Variants in SLC14A2 observed in about 807,000 individuals in gnomAD.
SLC14A2 encodes urea transporter 2.
Under a neutral mutation model 104.6 loss-of-function variants are expected in SLC14A2, and 91 were observed. That is an observed-to-expected ratio of 0.87 (90% CI 0.73 to 1.04). The LOEUF (loss-of-function observed/expected upper bound fraction) is 1.04, where lower values mean the gene tolerates loss of function less well. Ranked by LOEUF, SLC14A2 falls within the 50% of genes least tolerant of loss-of-function variation. SLC14A2 has a pLI of 0.00. For missense variants in SLC14A2, 1,189 were observed against 1,156.0 expected (o/e 1.03, Z -0.41); for synonymous variants, 476 against 466.4 (o/e 1.02, Z -0.27).
intron 2 of SLC14A2, among the ~76,000 whole-genome samples, chr18:45,579,466 G>C (rs2044459205): frequency 1.3e-5 from 2 of 152,190 alleles, no homozygotes; most frequent in Non-Finnish European, 2.9e-5. Flanking sequence ...TGGGGAACTT[G>C]CTTTTCCCTG....
intron 2 of SLC14A2, among the ~76,000 whole-genome samples, chr18:45,533,194 A>G (rs2043725641): frequency 1.3e-5 from 2 of 152,230 alleles, no homozygotes; most frequent in South Asian, 4.1e-4. Context: ...CTTTGGTATC[A>G]GGATGAAGCT....
intron 1 of SLC14A2, among the ~76,000 whole-genome samples, chr18:45,333,672 T>C (rs1201752749): frequency 6.6e-6 from 1 of 152,184 alleles, no homozygotes; most frequent in Non-Finnish European, 1.5e-5. Flanking sequence ...AAACTCCTGC[T>C]CTGTCTAAAG....
chr18:45,342,197 GA>G (rs2144285653), intron 1 of SLC14A2, among the ~76,000 whole-genome samples: 1 of 152,280 alleles, frequency 6.6e-6, no homozygotes, highest in East Asian at 1.9e-4. Context: ...ACAGAACTGT[GA>G]ATAATGATAA....
At chr18:45,414,751 A>ATATATATATATAT (rs1568189973) in intron 1 of SLC14A2, among the ~76,000 whole-genome samples, 8 of 70,892 alleles carry the variant, frequency 1.1e-4, no homozygotes, top group African/African-American at 4.7e-4. Flanking sequence ...GCGTAAAAAA[A>ATATATATATATAT]AAAAAAATAT....
intron 1 of SLC14A2, among the ~76,000 whole-genome samples, chr18:45,369,992 T>G (rs1195660895): frequency 6.6e-6 from 1 of 152,208 alleles, no homozygotes; most frequent in Non-Finnish European, 1.5e-5. Context: ...TATGAAACTC[T>G]ATGGACTGAG....
intron 1 of SLC14A2, among the ~76,000 whole-genome samples, chr18:45,332,812 G>T (rs1473124381): frequency 6.6e-6 from 1 of 152,196 alleles, no homozygotes; most frequent in East Asian, 1.9e-4. Flanking sequence ...AACCATTGGG[G>T]TGACACAATT....
At chr18:45,663,726 G>C in intron 10 of SLC14A2, 59 bp from the exon 11 acceptor site, 1 of 1,570,100 alleles carries the variant, frequency 6.4e-7, no homozygotes, top group Non-Finnish European at 8.6e-7. Flanking sequence ...CTCTCTGCTT[G>C]GCTCTCTCAG....
At chr18:45,458,965 C>A (rs919977113) in intron 1 of SLC14A2, among the ~76,000 whole-genome samples, 1 of 152,098 alleles carries the variant, frequency 6.6e-6, no homozygotes, top group Non-Finnish European at 1.5e-5. Context: ...AATAGGACAA[C>A]GATAATAAGG....
chr18:45,643,258 G>T (rs1222385096), intron 9 of SLC14A2, 77 bp downstream of exon 9: 2 of 1,316,038 alleles, frequency 1.5e-6, no homozygotes, highest in African/African-American at 2.9e-5. Flanking sequence ...TGTGGGGTCT[G>T]GGAAAGGAAC....
At chr18:45,606,877 G>A (rs6507625) in intron 2 of SLC14A2, among the ~76,000 whole-genome samples, 105,992 of 151,830 alleles carry the variant, frequency 0.7, 37,306 homozygotes, top group East Asian at 0.85. Context: ...CTCAGGTTCC[G>A]CCACAGGAAT....
chr18:45,319,580 C>A (rs2085164550), intron 1 of SLC14A2, among the ~76,000 whole-genome samples: 1 of 152,188 alleles, frequency 6.6e-6, no homozygotes, highest in Non-Finnish European at 1.5e-5. Context: ...TGTCTAGCCT[C>A]TAGGAGGCAT....
intron 10 of SLC14A2, among the ~76,000 whole-genome samples, chr18:45,648,802 T>C (rs548112346): frequency 6.6e-6 from 1 of 152,240 alleles, no homozygotes; most frequent in South Asian, 2.1e-4. Flanking sequence ...TTTTTTGTTT[T>C]TTCATTGTTC....
Position 45,644,094 on chromosome 18 carries a change from T to C in SLC14A2, c.1285T>C (p.Tyr429His). The change falls in exon 10 of 20, where the codon TAC becomes CAC. Residue 429 changes from tyrosine to histidine, a missense_variant. Transcript: ENST00000255226. ...IFRLPLSKVT[Y>H]PEANRIYYLT... Reference sequence around the variant, plus strand: ...CAGACTCCCACTCAGCAAAGTCACCTACCCCGAGGCCAACCGCATCTACTA... The same window carrying C: ...CAGACTCCCACTCAGCAAAGTCACCCACCCCGAGGCCAACCGCATCTACTA... 6.2e-7 allele frequency: 1 copy of C among 1,614,236 alleles called. No individual in the cohort carries two copies. The highest frequency in any genetic ancestry group is 8.5e-7 in the Non-Finnish European group (1 of 1,180,038).
intron 1 of SLC14A2, chr18:45,436,504 T>C (rs2086598959): frequency 6.6e-6 from 1 of 152,172 alleles, no homozygotes; most frequent in Non-Finnish European, 1.5e-5. Flanking sequence ...CAGTCTTCAT[T>C]CCCTTTCCCT....
chr18:45,500,825 T>G (rs2043186689), intron 2 of SLC14A2, among the ~76,000 whole-genome samples: 1 of 152,154 alleles, frequency 6.6e-6, no homozygotes, highest in Non-Finnish European at 1.5e-5. Flanking sequence ...AGGTTCTATC[T>G]GGTTTCGGGA....
At chr18:45,514,480 G>T (rs1369582979) in intron 2 of SLC14A2, among the ~76,000 whole-genome samples, 3 of 152,182 alleles carry the variant, frequency 2.0e-5, no homozygotes, top group African/African-American at 7.2e-5. Flanking sequence ...TATGAGATTT[G>T]GGTGGGGACA....
intron 1 of SLC14A2, among the ~76,000 whole-genome samples, chr18:45,405,025 G>T (rs566950119): frequency 7.2e-5 from 11 of 152,292 alleles, no homozygotes; most frequent in African/African-American, 2.4e-4. Context: ...TCTCCAGCAT[G>T]TAACTTGAAA....
chr18:45,625,901 C>T, intron 3 of SLC14A2, 38 bp downstream of exon 3: 1 of 1,372,856 alleles, frequency 7.3e-7, no homozygotes, highest in Non-Finnish European at 9.5e-7. Flanking sequence ...CCAGACCAGG[C>T]CAGGCCAGAG....
At chr18:45,559,893 G>A (rs1053354296) in intron 2 of SLC14A2, among the ~76,000 whole-genome samples, 1 of 152,176 alleles carries the variant, frequency 6.6e-6, no homozygotes. Context: ...CAGCCCAAAG[G>A]CTGTTCCCTA....
Sources: gnomAD v4.1 joint callset for allele counts (sites outside exome capture counted in the v4.1 genomes callset) on GRCh38, gnomAD v4.1.1 for gene constraint, MANE v1.5 for transcripts, NCBI Gene and HGNC (gene_info 2026-07-23, HGNC 2026-07-21) for gene names.